Variants in FTH1 observed in about 807,000 individuals in gnomAD.
FTH1 encodes the protein ferritin heavy chain 1.
In FTH1, 3 loss-of-function variants were observed where a neutral mutation model predicts 21.8. That is an observed-to-expected ratio of 0.14 (90% CI 0.06 to 0.36). FTH1 has a LOEUF of 0.36. Among genes scored for constraint, FTH1 ranks in the 10% least tolerant of loss-of-function variants. The pLI is 1.00. For missense variants in FTH1, 147 were observed against 225.8 expected, an observed-to-expected ratio of 0.65 and a Z score of 2.24; for synonymous variants, 83 against 90.1, an observed-to-expected ratio of 0.92 and a Z score of 0.45.
At chr11:61,966,054 C>A (rs1170907584) in intron 1 of FTH1, among the ~76,000 whole-genome samples, 1 of 152,148 alleles carries the variant, frequency 6.6e-6, no homozygotes, top group Non-Finnish European at 1.5e-5. Flanking sequence ...GCAGGCGGAT[C>A]ACGAGGTCAG....
intron 1 of FTH1, among the ~76,000 whole-genome samples, chr11:61,965,733 C>G (rs1039643802): frequency 6.6e-6 from 1 of 152,172 alleles, no homozygotes; most frequent in Non-Finnish European, 1.5e-5. Flanking sequence ...GAAACTTGAT[C>G]CTTGAAACTT....
chr11:61,967,039 G>A (rs1292152637), intron 1 of FTH1: 3 of 265,858 alleles, frequency 1.1e-5, no homozygotes, highest in Non-Finnish European at 1.4e-5. Flanking sequence ...GCAACCCCAG[G>A]ATTTCAGGAC....
In FTH1 at chr11:61,967,413, A is replaced by G; in HGVS notation, c.13T>C (p.Ser5Pro). 6.2e-7 allele frequency: 1 copy of G among 1,601,954 alleles called. No homozygotes were observed. Among genetic ancestry groups the G allele is most frequent in the South Asian group, 1.1e-5 (1 of 90,688 alleles). ...TAGTTCTGGCGCACCTGCGAGGTGG[A>G]CGCGGTCGTCATGGCGGCGACTAAG... is the stretch of plus-strand genomic sequence containing the variant. MTTASTSQVRQNYHQ... is the reference protein window; with the variant it reads MTTAPTSQVRQNYHQ... The change falls in exon 1 of 4, where the codon TCC becomes CCC. Residue 5 changes from serine to proline, a missense_variant. By Grantham distance (74) the Ser-to-Pro change is moderately conservative. Transcript: ENST00000273550.
intron 1 of FTH1, 152 bp downstream of exon 1, chr11:61,967,160 G>T (rs944853561): frequency 2.2e-6 from 1 of 453,698 alleles, no homozygotes; most frequent in Non-Finnish European, 3.9e-6. Flanking sequence ...CTGCGCCAGA[G>T]AAGTCCTCGG....
In FTH1 at chr11:61,967,598, A is replaced by T. The variant is rs908258843; in HGVS notation, c.-173T>A. On this transcript the variant is annotated 5_prime_UTR_variant, in exon 1 of 4. Coordinates refer to ENST00000273550, the MANE Select transcript of FTH1 (RefSeq NM_002032.3). The stretch of plus-strand genomic sequence containing the variant: ...GGTTCCGTCCAAGCACTGTTGAAGC[A>T]GGAAACCCCGACGACTCTCGGCGAA... The T allele has an allele frequency of 1.5e-6, 1 of 677,482 alleles. No individual in the cohort carries two copies. Among genetic ancestry groups the T allele is most frequent in the African/African-American group, 1.8e-5 (1 of 55,788 alleles). The allele number at this position is 677,482 out of a possible 1,614,324, so 42.0% of individuals were successfully genotyped here. A position where few individuals can be genotyped will look rare whatever the true frequency, so the allele number is the denominator to read the frequency against.
chr11:61,964,834 A>G lies in FTH1; in HGVS notation c.445T>C (p.Leu149=), dbSNP rs1427136243. ...LNEQVKAIKE[L]GDHVTNLRKM... is the part of the protein sequence containing the mutation. ...CGCAAGTTGGTCACGTGGTCACCCA[A>G]TTCTTTGATGGCTTTCACCTGCTCA... is the stretch of plus-strand genomic sequence containing the variant. Residue 149 remains leucine (L), a synonymous_variant, in exon 4 of 4, where the codon TTG becomes CTG. Transcript: ENST00000273550. The G allele has an allele frequency of 1.9e-6, 3 of 1,601,254 alleles. No homozygotes were observed. The African/African-American group carries it at 4.0e-5, about 21-fold the overall frequency.
chr11:61,966,885 C>T (rs1156582494), intron 1 of FTH1: 2 of 158,930 alleles, frequency 1.3e-5, no homozygotes, highest in African/African-American at 4.8e-5. Flanking sequence ...CCCAGCAGCT[C>T]CGCCACACAC....
In FTH1 at chr11:61,967,454, C is replaced by T; in HGVS notation, c.-29G>A. ...GGCGACTAAGGAGAGGCGGCGGCGG[C>T]GGCGGTGGCTGCGCGGCGCTGGAGC... On this transcript the variant is annotated 5_prime_UTR_variant, in exon 1 of 4. Transcript: ENST00000273550. 3 of 1,482,756 alleles carry T rather than the reference C, an allele frequency of 2.0e-6. No individual in the cohort carries two copies. The highest frequency in any genetic ancestry group is 1.4e-5 in the African/African-American group (1 of 72,050). The allele number at this position is 1,482,756 out of a possible 1,614,324, so 91.8% of individuals were successfully genotyped here. A position where few individuals can be genotyped will look rare whatever the true frequency, so the allele number is the denominator to read the frequency against.
intron 2 of FTH1, 45 bp downstream of exon 2, chr11:61,965,324 A>G: frequency 1.2e-6 from 2 of 1,611,308 alleles, no homozygotes; most frequent in Admixed American, 1.7e-5. Flanking sequence ...ATACCCGAAC[A>G]CTGCCAGATG....
At chr11:61,965,598 C>T (rs1456075583) in intron 1 of FTH1, 83 bp from the exon 2 acceptor site, 3 of 1,483,858 alleles carry the variant, frequency 2.0e-6, no homozygotes, top group South Asian at 2.3e-5. Flanking sequence ...GCAAGATGGT[C>T]TCGTCAGCCT....
Position 61,964,458 on chromosome 11 carries a change from C to A in FTH1, c.*269G>T, listed in dbSNP as rs1352812155. On this transcript the variant is annotated 3_prime_UTR_variant, in exon 4 of 4. Coordinates refer to ENST00000273550, the MANE Select transcript of FTH1 (RefSeq NM_002032.3). ...AATGAGTTTAATAAATACAAATACT[C>A]GTTTCTTTTTGATTAGTGTGATTAG... 3.3e-6 allele frequency: 2 copies of A among 612,536 alleles called. No individual in the cohort carries two copies. Among genetic ancestry groups the A allele is most frequent in the Non-Finnish European group, 5.7e-6 (2 of 352,430 alleles). The allele number at this position is 612,536 out of a possible 1,614,324, so 37.9% of individuals were successfully genotyped here.
chr11:61,965,767 T>G (rs1419184029), intron 1 of FTH1, among the ~76,000 whole-genome samples: 1 of 152,216 alleles, frequency 6.6e-6, no homozygotes, highest in East Asian at 1.9e-4. Flanking sequence ...CTTTAGGATA[T>G]TATGGGCATT....
Position 61,967,412 on chromosome 11 carries a change from G to C in FTH1, c.14C>G (p.Ser5Cys), listed in dbSNP as rs1267226033. Reference sequence around the variant, plus strand: ...GTAGTTCTGGCGCACCTGCGAGGTGGACGCGGTCGTCATGGCGGCGACTAA... The same window carrying C: ...GTAGTTCTGGCGCACCTGCGAGGTGCACGCGGTCGTCATGGCGGCGACTAA... MTTA[S>C]TSQVRQNYHQ... The change falls in exon 1 of 4, where the codon TCC (serine) becomes TGC (cysteine). Residue 5 changes from serine (S) to cysteine (C), a missense_variant. Coordinates refer to ENST00000273550, the MANE Select transcript of FTH1 (RefSeq NM_002032.3). 1 of 1,602,204 alleles carries C rather than the reference G, an allele frequency of 6.2e-7. No homozygotes were observed. Among genetic ancestry groups the C allele is most frequent in the Non-Finnish European group, 8.5e-7 (1 of 1,176,018 alleles).
rs1227994349 is a variant in FTH1, at chr11:61,967,315, G to A, written c.111C>T (p.Ser37=). 6.3e-6 allele frequency: 10 copies of A among 1,594,998 alleles called. No individual in the cohort carries two copies. The highest frequency in any genetic ancestry group is 2.3e-5 in the East Asian group (1 of 43,968). The change falls in exon 1 of 4, where the codon TCC becomes TCT. Residue 37 remains serine, a synonymous_variant. Transcript: ENST00000273550. ...GCTTAGGCCCGCCCGCGCTCACCAT[G>A]GACAGGTAAACGTAGGAGGCGTAGA... ...LELYASYVYL[S]MSYYFDRDDV...
At chr11:61,966,261 G>GA (rs200270983) in intron 1 of FTH1, among the ~76,000 whole-genome samples, 1,661 of 152,306 alleles carry the variant, frequency 0.011, 17 homozygotes, top group Non-Finnish European at 0.018. Context: ...GCGACAGAGC[G>GA]AGACTCTGTC....
chr11:61,964,808 G>A lies in FTH1; in HGVS notation c.471C>T (p.Arg157=), dbSNP rs11554851. 1 of 1,600,246 alleles carries A rather than the reference G, an allele frequency of 6.2e-7. No homozygotes were observed. Among genetic ancestry groups the A allele is most frequent in the East Asian group, 2.2e-5 (1 of 44,886 alleles). ...AGCCAGATTCGGGCGCTCCCATCTTGCGCAAGTTGGTCACGTGGTCACCCA... is the reference window on the plus strand; with the variant it reads ...AGCCAGATTCGGGCGCTCCCATCTTACGCAAGTTGGTCACGTGGTCACCCA... ...KELGDHVTNL[R]KMGAPESGLA... Residue 157 remains arginine, a synonymous_variant, in exon 4 of 4, where the codon CGC becomes CGT. Coordinates refer to ENST00000273550, the MANE Select transcript of FTH1 (RefSeq NM_002032.3).
chr11:61,967,364 A>G lies in FTH1; in HGVS notation c.62T>C (p.Ile21Thr). The G allele has an allele frequency of 6.2e-7, 1 of 1,606,356 alleles. No individual in the cohort carries two copies. Among genetic ancestry groups the G allele is most frequent in the Non-Finnish European group, 8.5e-7 (1 of 1,176,476 alleles). The change falls in exon 1 of 4, where the codon ATC becomes ACC. Residue 21 changes from isoleucine to threonine, a missense_variant. Ile to Thr is a moderately conservative substitution (Grantham distance 89). Coordinates refer to ENST00000273550, the MANE Select transcript of FTH1 (RefSeq NM_002032.3). ...GAGCTCCAGGTTGATCTGGCGGTTG[A>G]TGGCGGCCTCTGAGTCCTGGTGGTA... The part of the protein sequence containing the change: ...QNYHQDSEAA[I>T]NRQINLELYA...
At position 61,967,200 on chromosome 11, in the gene FTH1, G is replaced by T. The variant is rs900790844; in HGVS notation, c.114+112C>A. On this transcript the variant is annotated intron_variant, in intron 1 of 3. Coordinates refer to ENST00000273550, the MANE Select transcript of FTH1 (RefSeq NM_002032.3). ...CTCGAGCAGCCTCCATTTTCCAGAA[G>T]GGCGCAGGGAGGCGGGAGAGCCCGC... 1.1e-5 allele frequency: 6 copies of T among 521,972 alleles called. No homozygotes were observed. The Admixed American group carries it at 1.4e-4, about 12-fold the overall frequency. The allele number at this position is 521,972 out of a possible 1,614,324, so 32.3% of individuals were successfully genotyped here.
intron 1 of FTH1, 142 bp downstream of exon 1, chr11:61,967,170 G>A: frequency 2.1e-6 from 1 of 466,262 alleles, no homozygotes; most frequent in Non-Finnish European, 3.7e-6. Context: ...GAAGTCCTCG[G>A]AAACCTCGAG....
Sources: allele counts gnomAD v4.1 joint callset (sites outside exome capture counted in the v4.1 genomes callset), GRCh38; gene constraint gnomAD v4.1.1; transcripts MANE v1.5; gene names NCBI Gene and HGNC (gene_info 2026-07-23, HGNC 2026-07-21).